The following DPP10 variants were observed in gnomAD, a reference collection of about 807,000 sequenced individuals.
The protein encoded by DPP10 is dipeptidyl peptidase like 10.
DPP10 carries 33 observed loss-of-function variants against 120.9 expected under a neutral mutation model. The ratio of observed to expected loss-of-function variants is 0.27; its 90% CI spans 0.21 to 0.37. DPP10 has a LOEUF of 0.37. Ranked by LOEUF, DPP10 falls within the 10% of genes least tolerant of loss-of-function variation. The pLI is 1.00. For synonymous variants in DPP10, 337 were observed against 326.1 expected, an observed-to-expected ratio of 1.03 and a Z score of -0.36; for missense variants, 816 against 942.8, an observed-to-expected ratio of 0.87 and a Z score of 1.76.
chr2:114,470,335 A>G (rs1679805749), intron 1 of DPP10, among the ~76,000 whole-genome samples: 1 of 152,252 alleles, frequency 6.6e-6, no homozygotes, highest in Non-Finnish European at 1.5e-5. Context: ...GAGAAAAAGC[A>G]TCAAGGGTTT....
intron 1 of DPP10, among the ~76,000 whole-genome samples, chr2:115,298,076 G>A (rs2105961039): frequency 6.6e-6 from 1 of 152,142 alleles, no homozygotes; most frequent in East Asian, 1.9e-4. Context: ...CTAACTTTAA[G>A]GAATAAATCT....
chr2:115,185,604 A>G (rs549635532), intron 1 of DPP10, among the ~76,000 whole-genome samples: 4 of 152,264 alleles, frequency 2.6e-5, no homozygotes, highest in African/African-American at 7.2e-5. Context: ...TAAAACCACA[A>G]GTTTGTAAAT....
intron 1 of DPP10, among the ~76,000 whole-genome samples, chr2:115,096,369 G>A (rs1000124187): frequency 6.6e-5 from 10 of 152,044 alleles, no homozygotes; most frequent in South Asian, 4.1e-4. Flanking sequence ...AAATATATGC[G>A]TTGATATGCG....
chr2:115,377,686 G>T (rs1312013569), intron 3 of DPP10, among the ~76,000 whole-genome samples: 3 of 152,228 alleles, frequency 2.0e-5, no homozygotes, highest in Admixed American at 2.0e-4. Flanking sequence ...ATGGTTTTAG[G>T]TTTATCGTTT....
intron 1 of DPP10, among the ~76,000 whole-genome samples, chr2:115,155,063 ATT>A (rs371140054): frequency 4.8e-5 from 7 of 144,514 alleles, no homozygotes; most frequent in Non-Finnish European, 1.1e-4. Context: ...AGCTAATTTT[ATT>A]TATTTTTTTT....
intron 1 of DPP10, among the ~76,000 whole-genome samples, chr2:115,253,319 C>G (rs1471815751): frequency 6.6e-6 from 1 of 152,160 alleles, no homozygotes; most frequent in African/African-American, 2.4e-5. Context: ...TTGGAGGGAA[C>G]ATATATCCAA....
intron 1 of DPP10, among the ~76,000 whole-genome samples, chr2:114,737,745 G>A (rs1465700067): frequency 6.6e-6 from 1 of 152,204 alleles, no homozygotes; most frequent in Non-Finnish European, 1.5e-5. Flanking sequence ...TCTCAGTTCT[G>A]TCAAGGTTTA....
At chr2:114,723,601 G>A (rs958169783) in intron 1 of DPP10, among the ~76,000 whole-genome samples, 1 of 152,294 alleles carries the variant, frequency 6.6e-6, no homozygotes, top group East Asian at 1.9e-4. Flanking sequence ...TTTCATGTTT[G>A]ATAGTAGCCC....
chr2:115,660,937 T>C (rs1435368901), intron 5 of DPP10, among the ~76,000 whole-genome samples: 1 of 150,878 alleles, frequency 6.6e-6, no homozygotes, highest in Non-Finnish European at 1.5e-5. Context: ...GAAGTAAATG[T>C]GCAACCAGTT....
chr2:114,593,197 G>GA (rs1691608131), intron 1 of DPP10, among the ~76,000 whole-genome samples: 1 of 151,978 alleles, frequency 6.6e-6, no homozygotes, highest in South Asian at 2.1e-4. Context: ...TTAGGAACAA[G>GA]AAAAAAATGA....
At chr2:114,592,165 A>G (rs982740296) in intron 1 of DPP10, among the ~76,000 whole-genome samples, 55 of 152,264 alleles carry the variant, frequency 3.6e-4, no homozygotes, top group African/African-American at 1.1e-3. Flanking sequence ...CTTTCTTTCT[A>G]CAAGATTGAA....
chr2:115,836,246 G>A lies in DPP10; in HGVS notation c.2040G>A (p.Leu680=), dbSNP rs780852228. The A allele has an allele frequency of 1.2e-6, 2 of 1,605,634 alleles. No individual in the cohort carries two copies. The highest frequency in any genetic ancestry group is 3.5e-5 in the Admixed American group (2 of 57,934). Residue 680 remains leucine, a synonymous_variant, in exon 22 of 26, where the codon TTG becomes TTA. Coordinates refer to ENST00000410059, the MANE Select transcript of DPP10 (RefSeq NM_020868.6). ...CGSVVAPITD[L]KLYASAFSER... ...CCGTGGTTGCACCTATCACAGACTT[G>A]AAATTGTATGGTGAGTACTTTCTAC...
chr2:115,535,482 T>C (rs2078760441), intron 5 of DPP10, among the ~76,000 whole-genome samples: 1 of 151,900 alleles, frequency 6.6e-6, no homozygotes, highest in African/African-American at 2.4e-5. Flanking sequence ...ATCTCTGTTT[T>C]GGTACCACTA....
At chr2:115,502,904 A>G (rs771357602) in intron 4 of DPP10, among the ~76,000 whole-genome samples, 10 of 151,224 alleles carry the variant, frequency 6.6e-5, no homozygotes, top group African/African-American at 9.7e-5. Context: ...GAGTCTCACT[A>G]TGTTGCCCAG....
intron 5 of DPP10, among the ~76,000 whole-genome samples, chr2:115,639,523 G>A (rs1472829957): frequency 6.6e-6 from 1 of 152,108 alleles, no homozygotes; most frequent in Admixed American, 6.5e-5. Context: ...CCAGTATATG[G>A]GAGGCTGAGG....
At chr2:114,894,523 G>A (rs1692809558) in intron 1 of DPP10, among the ~76,000 whole-genome samples, 2 of 152,094 alleles carry the variant, frequency 1.3e-5, no homozygotes, top group South Asian at 4.1e-4. Context: ...AATATTCATT[G>A]GAATATTAAA....
In DPP10 at chr2:114,850,001, C is replaced by A. The variant is rs781274120; in HGVS notation, c.60+407163C>A. On this transcript the variant is annotated intron_variant, in intron 1 of 25. Coordinates refer to ENST00000410059, the MANE Select transcript of DPP10 (RefSeq NM_020868.6). ...CCCTCCCCTCTCCTCCCCATCCCCT[C>A]CCCTCCCTTCCCTTCCCTTCCCTTT... Among the ~76,000 whole-genome samples the A allele has an allele frequency of 8.1e-4, 115 of 142,604 alleles. 1 individual carries two copies. The highest frequency in any genetic ancestry group is 2.1e-4 in the Non-Finnish European group (14 of 65,356). The allele number at this position is 142,604 out of a possible 152,430, so 93.6% of individuals were successfully genotyped here.
At chr2:115,510,286 T>C (rs1411888749) in intron 4 of DPP10, among the ~76,000 whole-genome samples, 2 of 152,172 alleles carry the variant, frequency 1.3e-5, no homozygotes, top group African/African-American at 4.8e-5. Context: ...TAATAGATTT[T>C]TATTTCTATG....
Position 114,563,234 on chromosome 2 carries a change from T to C in DPP10, c.60+120396T>C, listed in dbSNP as rs536867313. On this transcript the variant is annotated intron_variant, in intron 1 of 25. Coordinates refer to ENST00000410059, the MANE Select transcript of DPP10 (RefSeq NM_020868.6). ...TAAAAACACAAAAATTAGCTGGACATGGTGGCCGGCACCTGTAGTCCTAGC... is the reference window on the plus strand; with the variant it reads ...TAAAAACACAAAAATTAGCTGGACACGGTGGCCGGCACCTGTAGTCCTAGC... 2.6e-5 allele frequency among the ~76,000 whole-genome samples: 4 copies of C among 152,218 alleles called. No individual in the cohort carries two copies. In the East Asian group the frequency reaches 5.8e-4, roughly 22 times the overall value.
Sources: allele counts gnomAD v4.1 joint callset (sites outside exome capture counted in the v4.1 genomes callset), GRCh38; gene constraint gnomAD v4.1.1; transcripts MANE v1.5; gene names NCBI Gene and HGNC (gene_info 2026-07-23, HGNC 2026-07-21).